Variants in CDK5RAP3 observed in about 807,000 individuals in gnomAD.
CDK5RAP3 encodes the protein CDK5 regulatory subunit associated protein 3.
In CDK5RAP3, 58 loss-of-function variants were observed where a neutral mutation model predicts 73.3. The ratio of observed to expected loss-of-function variants is 0.79; its 90% confidence interval spans 0.64 to 0.98. The LOEUF is 0.98. CDK5RAP3 is among the 50% of genes least tolerant of loss of function. CDK5RAP3 has a pLI of 0.00. For synonymous variants in CDK5RAP3, 224 were observed against 247.5 expected, an observed-to-expected ratio of 0.91 and a Z score of 0.89; for missense variants, 525 against 615.8, an observed-to-expected ratio of 0.85 and a Z score of 1.56.
At chr17:47,972,081 G>A (rs1419318012) in intron 2 of CDK5RAP3, among the ~76,000 whole-genome samples, 2 of 134,206 alleles carry the variant, frequency 1.5e-5, no homozygotes, top group African/African-American at 5.5e-5. Flanking sequence ...CATGCCTTTT[G>A]CATTATGCCA....
rs1292052722 is a variant in CDK5RAP3, at chr17:47,977,125, C to G, written c.909+303C>G. ...AGTAGCTGTGATTATAGGCGCCCAC[C>G]ACCACACCCCTCTAATTTTTTATTT... On this transcript the variant is annotated intron_variant, in intron 9 of 13. Transcript: ENST00000338399. Among the ~76,000 whole-genome samples the G allele has an allele frequency of 3.3e-5, 5 of 150,598 alleles. No individual in the cohort carries two copies. In the East Asian group the frequency reaches 9.7e-4, roughly 29 times the overall value.
chr17:47,973,359 T>C (rs772356786), intron 2 of CDK5RAP3, among the ~76,000 whole-genome samples, 160 bp from the exon 3 acceptor site: 17 of 152,218 alleles, frequency 1.1e-4, no homozygotes, highest in Non-Finnish European at 2.2e-4. Flanking sequence ...GCCCCAGGCA[T>C]CTCTTTGGGC....
rs148395134 is a variant in CDK5RAP3 at position 47,976,595 on chromosome 17, C to T, written c.799-117C>T. ...CCCAGGCTGGTCTCAAACTCCTGGG[C>T]TCAAGCAATCCACTATCCTCGGCCT... On this transcript the variant is annotated intron_variant, in intron 8 of 13. Coordinates refer to ENST00000338399, the MANE Select transcript of CDK5RAP3 (RefSeq NM_176096.3). The T allele has an allele frequency of 4.4e-4, 300 of 688,806 alleles. 1 individual carries two copies. In the African/African-American group the frequency reaches 4.6e-3, roughly 11 times the overall value. The allele number at this position is 688,806 out of a possible 1,614,324, so 42.7% of individuals were successfully genotyped here. A position where few individuals can be genotyped will look rare whatever the true frequency, so the allele number is the denominator to read the frequency against.
chr17:47,970,433 C>CT (rs771768899), upstream of CDK5RAP3: 183 of 537,628 alleles, frequency 3.4e-4, no homozygotes, highest in Non-Finnish European at 5.2e-4. Context: ...TTGCACCCCT[C>CT]TTGCAGTTTG....
chr17:47,976,591 T>A (rs1598224529), intron 8 of CDK5RAP3, 121 bp from the exon 9 acceptor site: 2 of 670,364 alleles, frequency 3.0e-6, no homozygotes, highest in African/African-American at 3.6e-5. Flanking sequence ...CTCAAACTCC[T>A]GGGCTCAAGC....
chr17:47,969,345 A>G (rs967187760), upstream of CDK5RAP3, among the ~76,000 whole-genome samples: 3 of 151,972 alleles, frequency 2.0e-5, no homozygotes, highest in East Asian at 1.9e-4. Context: ...TCACGAGGTC[A>G]GGAAATCGAG....
intron 11 of CDK5RAP3, chr17:47,979,340 A>T (rs1243650898): frequency 6.0e-6 from 1 of 165,386 alleles, no homozygotes; most frequent in Non-Finnish European, 1.3e-5. Context: ...GGCCTCATTG[A>T]GAAGGTGACC....
At chr17:47,971,340 T>C (rs1373602123) in intron 1 of CDK5RAP3, 22 bp from the exon 2 acceptor site, 1 of 1,607,820 alleles carries the variant, frequency 6.2e-7, no homozygotes. Flanking sequence ...CACGCCCCCC[T>C]CCTCACCGTG....
chr17:47,969,556 C>CAAAAAA (rs36208323), upstream of CDK5RAP3, among the ~76,000 whole-genome samples: 8 of 79,850 alleles, frequency 1.0e-4, no homozygotes, highest in Non-Finnish European at 1.5e-4. Flanking sequence ...GACTCCGTCT[C>CAAAAAA]AAAAAAAAAA....
intron 9 of CDK5RAP3, among the ~76,000 whole-genome samples, 177 bp from the exon 10 acceptor site, chr17:47,977,655 C>T (rs1176035232): frequency 1.3e-5 from 2 of 152,138 alleles, no homozygotes; most frequent in East Asian, 1.9e-4. Context: ...GGTGGGAACA[C>T]TACAGAGCAG....
Position 47,976,718 on chromosome 17 carries a change from T to C in CDK5RAP3, c.805T>C (p.Trp269Arg). ...ACTCTCTTTCCCTTTCCAGATTGAC[T>C]GGGGCGACTTTGGGGTAGAGGCAGT... ...PEQVAEDAID[W>R]GDFGVEAVSE... Residue 269 changes from tryptophan (W) to arginine (R), a missense_variant, in exon 9 of 14, where the codon TGG becomes CGG. This residue lies in a region of CDK5RAP3 where 409 missense variants were observed against 429.8 expected (regional missense o/e 0.95). Coordinates refer to ENST00000338399, the MANE Select transcript of CDK5RAP3 (RefSeq NM_176096.3). The C allele has an allele frequency of 6.2e-7, 1 of 1,609,892 alleles. No individual in the cohort carries two copies. The highest frequency in any genetic ancestry group is 1.1e-5 in the South Asian group (1 of 91,000).
At chr17:47,980,553 C>A (rs1259158401) in intron 11 of CDK5RAP3, 40 bp from the exon 12 acceptor site, 5 of 1,580,858 alleles carry the variant, frequency 3.2e-6, no homozygotes, top group Non-Finnish European at 4.3e-6. Flanking sequence ...AAGTGTGAGC[C>A]ATCATGTACA....
chr17:47,974,569 G>A, intron 5 of CDK5RAP3, 121 bp downstream of exon 5: 1 of 1,558,318 alleles, frequency 6.4e-7, no homozygotes, highest in African/African-American at 1.4e-5. Flanking sequence ...TGTAGATGTT[G>A]CCCATTTGTA....
At chr17:47,976,661 G>A in intron 8 of CDK5RAP3, 51 bp from the exon 9 acceptor site, 2 of 1,274,888 alleles carry the variant, frequency 1.6e-6, no homozygotes, top group Non-Finnish European at 2.3e-6. Context: ...ACCATGCCCG[G>A]CCCTTTTTAA....
rs1354409056 is a variant in CDK5RAP3, at chr17:47,976,744, G to A, written c.831G>A (p.Val277=). ...IDWGDFGVEA[V]SEGTDSGISA... ...GGGGCGACTTTGGGGTAGAGGCAGT[G>A]TCTGAGGGGACTGACTCTGGCATCT... The change falls in exon 9 of 14, where the codon GTG becomes GTA. Residue 277 remains valine (V), a synonymous_variant. Transcript: ENST00000338399. 6 of 1,613,038 alleles carry A rather than the reference G, an allele frequency of 3.7e-6. No individual in the cohort carries two copies. Among genetic ancestry groups the A allele is most frequent in the Non-Finnish European group, 5.1e-6 (6 of 1,179,332 alleles).
intron 5 of CDK5RAP3, 65 bp from the exon 6 acceptor site, chr17:47,975,094 G>A (rs1277018815): frequency 6.2e-7 from 1 of 1,613,184 alleles, no homozygotes; most frequent in Admixed American, 1.7e-5. Flanking sequence ...GGATGTGTGT[G>A]CATCCTGGGG....
intron 9 of CDK5RAP3, among the ~76,000 whole-genome samples, chr17:47,977,140 A>G (rs1480459881): frequency 1.3e-5 from 2 of 150,194 alleles, no homozygotes; most frequent in Admixed American, 1.3e-4. Context: ...CACCCCTCTA[A>G]TTTTTTATTT....
At chr17:47,979,256 G>A (rs911744042) in intron 11 of CDK5RAP3, 27 of 210,754 alleles carry the variant, frequency 1.3e-4, no homozygotes, top group African/African-American at 5.1e-4. Flanking sequence ...CAAATGCCAC[G>A]GAGAAAGAGA....
rs766275276 is a variant in CDK5RAP3 at position 47,975,353 on chromosome 17, C to T, written c.513+16C>T. The T allele has an allele frequency of 5.0e-6, 8 of 1,612,262 alleles. 1 individual carries two copies. In the South Asian group the frequency reaches 8.8e-5, roughly 18 times the overall value. ...TGGCATCACGGTGAGCGGCGGCAGCCTCTTCGCAGCCAGAGGACACCTGGG... is the reference window on the plus strand; with the variant it reads ...TGGCATCACGGTGAGCGGCGGCAGCTTCTTCGCAGCCAGAGGACACCTGGG... On this transcript the variant is annotated intron_variant, in intron 6 of 13. Coordinates refer to ENST00000338399, the MANE Select transcript of CDK5RAP3 (RefSeq NM_176096.3).
Sources: gnomAD v4.1 joint callset for allele counts (sites outside exome capture counted in the v4.1 genomes callset) on GRCh38, gnomAD v4.1.1 for gene constraint, gnomAD v4.1.1 regional missense constraint, MANE v1.5 for transcripts, NCBI Gene and HGNC (gene_info 2026-07-23, HGNC 2026-07-21) for gene names.